Variants in KLC1 observed in about 807,000 individuals in gnomAD.
KLC1 encodes the protein kinesin light chain 1.
In KLC1, 30 loss-of-function variants were observed where a neutral mutation model predicts 84.2. The observed-to-expected ratio is 0.36, with a 90% CI of 0.27 to 0.48. The LOEUF (loss-of-function observed/expected upper bound fraction) is 0.48, where lower values mean the gene tolerates loss of function less well. Ranked by LOEUF, KLC1 falls within the 20% of genes least tolerant of loss-of-function variation. The pLI is 0.99. For synonymous variants in KLC1, 289 were observed against 293.3 expected, an observed-to-expected ratio of 0.99 and a Z score of 0.15; for missense variants, 499 against 805.4, an observed-to-expected ratio of 0.62 and a Z score of 4.60.
intron 2 of KLC1, among the ~76,000 whole-genome samples, chr14:103,655,217 A>C (rs1416222933): frequency 1.3e-5 from 2 of 152,104 alleles, no homozygotes; most frequent in Admixed American, 6.5e-5. Flanking sequence ...ACAGAGCGAG[A>C]CTTTTTCTCA....
chr14:103,674,572 G>A (rs1178590368), intron 9 of KLC1, among the ~76,000 whole-genome samples: 1 of 151,728 alleles, frequency 6.6e-6, no homozygotes, highest in Non-Finnish European at 1.5e-5. Flanking sequence ...ACACCACCAC[G>A]CCCGGCTAAT....
chr14:103,655,571 A>G (rs2078770246), intron 2 of KLC1, among the ~76,000 whole-genome samples: 1 of 151,430 alleles, frequency 6.6e-6, no homozygotes, highest in Non-Finnish European at 1.5e-5. Flanking sequence ...TGTTGGGATT[A>G]CAGGCGCGAG....
Position 103,668,852 on chromosome 14 carries a change from A to G in KLC1, c.798-659A>G, listed in dbSNP as rs191189580. Among the ~76,000 whole-genome samples the G allele has an allele frequency of 2.3e-3, 347 of 151,640 alleles. 6 individuals are homozygous for G. The highest frequency in any genetic ancestry group is 3.4e-3 in the Middle Eastern group (1 of 294). The stretch of plus-strand genomic sequence containing the variant: ...GAGTGCAGTGGCACGATCTCTGCTC[A>G]CTGCAAGCTCCACCTCCCAGGTTCA... On this transcript the variant is annotated intron_variant, in intron 5 of 16. Coordinates refer to ENST00000334553, the MANE Select transcript of KLC1 (RefSeq NM_001394837.1).
chr14:103,670,922 G>GA (rs1006749723), intron 7 of KLC1, among the ~76,000 whole-genome samples: 19 of 145,816 alleles, frequency 1.3e-4, no homozygotes, highest in African/African-American at 3.5e-4. Flanking sequence ...CGTCTCTAAA[G>GA]AAAAAAAAAA....
intron 13 of KLC1, chr14:103,686,338 T>C: frequency 2.2e-6 from 1 of 461,220 alleles, no homozygotes; most frequent in Non-Finnish European, 2.8e-6. Context: ...ACCAAGGAGT[T>C]CCTTCCAAGA....
chr14:103,674,639 T>A (rs775586558), intron 9 of KLC1, among the ~76,000 whole-genome samples: 75 of 152,160 alleles, frequency 4.9e-4, no homozygotes, highest in Non-Finnish European at 9.8e-4. Context: ...GGTCTTGAAC[T>A]CCTGACCTCA....
At chr14:103,666,509 C>A (rs77911171) in intron 5 of KLC1, among the ~76,000 whole-genome samples, 2,471 of 152,190 alleles carry the variant, frequency 0.016, 65 homozygotes, top group African/African-American at 0.056. Context: ...GGGACCACAC[C>A]GGAGAACCAC....
intron 3 of KLC1, among the ~76,000 whole-genome samples, chr14:103,659,024 C>CTGGA (rs912471045): frequency 8.0e-5 from 12 of 150,916 alleles, no homozygotes; most frequent in African/African-American, 2.9e-4. Flanking sequence ...GTACCCCAGG[C>CTGGA]TGGAGTGCAA....
chr14:103,646,584 C>T (rs2077949092), intron 1 of KLC1, among the ~76,000 whole-genome samples: 1 of 152,120 alleles, frequency 6.6e-6, no homozygotes, highest in Non-Finnish European at 1.5e-5. Context: ...AGTCATGGCT[C>T]ACTGCAGCCG....
At chr14:103,645,669 G>T (rs1273148934) in intron 1 of KLC1, among the ~76,000 whole-genome samples, 1 of 152,064 alleles carries the variant, frequency 6.6e-6, no homozygotes, top group Non-Finnish European at 1.5e-5. Flanking sequence ...TACAGTATGT[G>T]GCTGTGGTAG....
intron 1 of KLC1, among the ~76,000 whole-genome samples, chr14:103,645,164 G>C (rs1458627138): frequency 6.6e-6 from 1 of 152,058 alleles, no homozygotes; most frequent in Non-Finnish European, 1.5e-5. Context: ...GTAGAGTCGG[G>C]GTTTCTCCAT....
intron 5 of KLC1, among the ~76,000 whole-genome samples, chr14:103,664,490 G>A (rs2079576748): frequency 6.8e-6 from 1 of 146,126 alleles, no homozygotes; most frequent in African/African-American, 2.5e-5. Context: ...TTCTTAGTCA[G>A]AGATATTTGC....
At chr14:103,685,930 T>G in intron 13 of KLC1, 1 of 1,118,592 alleles carries the variant, frequency 8.9e-7, no homozygotes, top group African/African-American at 1.6e-5. Flanking sequence ...CGATTAGCTG[T>G]TCACTTTGGT....
chr14:103,629,780 A>G (rs920778714), intron 1 of KLC1, among the ~76,000 whole-genome samples: 18 of 151,532 alleles, frequency 1.2e-4, no homozygotes, highest in African/African-American at 3.9e-4. Flanking sequence ...GTCCCACTGC[A>G]GGTTCCGGTC....
intron 3 of KLC1, among the ~76,000 whole-genome samples, chr14:103,658,937 G>T (rs146169221): frequency 0.053 from 7,981 of 151,742 alleles, 236 homozygotes; most frequent in South Asian, 0.092. Context: ...GATTACAGGT[G>T]TGAGCCACTG....
chr14:103,692,337 C>G, intron 14 of KLC1, 22 bp from the exon 15 acceptor site: 1 of 1,535,844 alleles, frequency 6.5e-7, no homozygotes. Flanking sequence ...TTTGTCCTTG[C>G]ATGTCCGTGT....
chr14:103,695,011 G>T (rs1198545015), intron 15 of KLC1: 1 of 985,318 alleles, frequency 1.0e-6, no homozygotes, highest in African/African-American at 1.7e-5. Context: ...CTCGCCTGTG[G>T]CCGTGGCTCC....
chr14:103,633,377 G>A (rs1197842325), intron 1 of KLC1, among the ~76,000 whole-genome samples: 1 of 152,110 alleles, frequency 6.6e-6, no homozygotes, highest in African/African-American at 2.4e-5. Flanking sequence ...AAGATTCTGA[G>A]GAGCCAGTTG....
At position 103,694,447 on chromosome 14, in the gene KLC1, A is replaced by G. The variant is rs936500901; in HGVS notation, c.1848+2022A>G. The G allele has an allele frequency of 7.1e-6, 7 of 985,260 alleles. No individual in the cohort carries two copies. The highest frequency in any genetic ancestry group is 2.3e-4 in the East Asian group (2 of 8,820). The allele number at this position is 985,260 out of a possible 1,614,324, so 61.0% of individuals were successfully genotyped here. On this transcript the variant is annotated intron_variant, in intron 15 of 16. Coordinates refer to ENST00000334553, the MANE Select transcript of KLC1 (RefSeq NM_001394837.1). The surrounding 1 kb of genome is among the most constrained non-coding windows in gnomAD (Gnocchi z 4.5). ...GGAGATCGAGACCATCCTGGCTAAC[A>G]TGGCGTTTCACTTTTTAAAAGCTTA...
Sources: gnomAD v4.1 joint callset for allele counts (sites outside exome capture counted in the v4.1 genomes callset) on GRCh38, gnomAD v4.1.1 for gene constraint, Gnocchi (gnomAD v3.1) non-coding constraint, MANE v1.5 for transcripts, NCBI Gene and HGNC (gene_info 2026-07-23, HGNC 2026-07-21) for gene names.